Variants in SCLY observed in about 807,000 individuals in gnomAD.
SCLY encodes the protein selenocysteine lyase.
SCLY carries 38 observed loss-of-function variants against 50.1 expected under a neutral mutation model. The observed-to-expected ratio is 0.76, with a 90% CI of 0.59 to 0.99. The LOEUF is 0.99. SCLY is among the 50% of genes least tolerant of loss of function. SCLY has a pLI of 0.00. For missense variants in SCLY, 600 were observed against 620.0 expected (o/e 0.97, Z 0.34); for synonymous variants, 243 against 249.4 (o/e 0.97, Z 0.24).
chr2:238,075,839 G>A (rs1251300068), intron 4 of SCLY, among the ~76,000 whole-genome samples: 1 of 151,754 alleles, frequency 6.6e-6, no homozygotes, highest in Non-Finnish European at 1.5e-5. Flanking sequence ...TGTTATTTTT[G>A]TAGTCTCTAT....
chr2:238,098,841 T>A lies in SCLY; in HGVS notation c.*486T>A. Reference sequence around the variant, plus strand: ...ATCATGAACGTAGGAAACTTGATTTTTTTGTTTTGATCATGGCCTCTACAT... The same window carrying A: ...ATCATGAACGTAGGAAACTTGATTTATTTGTTTTGATCATGGCCTCTACAT... On this transcript the variant is annotated 3_prime_UTR_variant, in exon 12 of 12. Transcript: ENST00000254663. 1 of 287,670 alleles carries A rather than the reference T, an allele frequency of 3.5e-6. No individual in the cohort carries two copies. Among genetic ancestry groups the A allele is most frequent in the Non-Finnish European group, 6.3e-6 (1 of 157,566 alleles). 17.8% of individuals were successfully genotyped at this position (287,670 alleles called of 1,614,324 possible). A position where few individuals can be genotyped will look rare whatever the true frequency, so the allele number is the denominator to read the frequency against.
chr2:238,076,337 C>G (rs1190871440), intron 4 of SCLY, among the ~76,000 whole-genome samples: 1 of 152,106 alleles, frequency 6.6e-6, no homozygotes, highest in Non-Finnish European at 1.5e-5. Context: ...AGTGACCCAC[C>G]CACCTTGGCC....
chr2:238,093,859 A>G lies in SCLY; in HGVS notation c.922-2A>G. 6.2e-7 allele frequency: 1 copy of G among 1,613,444 alleles called. No individual in the cohort carries two copies. Among genetic ancestry groups the G allele is most frequent in the Non-Finnish European group, 8.5e-7 (1 of 1,179,792 alleles). On this transcript the variant is annotated splice_acceptor_variant, in intron 8 of 11. Coordinates refer to ENST00000254663, the MANE Select transcript of SCLY (RefSeq NM_016510.7). LOFTEE classifies it high-confidence loss of function. ...ATCCACTTGTTGTGTGTCTGCCCCCAGGCCGCGGAGCTGGTGACCCAGAAC... is the reference window on the plus strand; with the variant it reads ...ATCCACTTGTTGTGTGTCTGCCCCCGGGCCGCGGAGCTGGTGACCCAGAAC...
intron 2 of SCLY, among the ~76,000 whole-genome samples, chr2:238,065,502 G>C (rs945913298): frequency 8.5e-5 from 13 of 152,068 alleles, no homozygotes; most frequent in Non-Finnish European, 1.6e-4. Flanking sequence ...AGGTTTCCTT[G>C]ATAGCCTTTG....
chr2:238,061,343 C>T (rs905108589), intron 1 of SCLY, 200 bp downstream of exon 1: 2 of 701,838 alleles, frequency 2.8e-6, no homozygotes, highest in African/African-American at 1.8e-5. Flanking sequence ...CAAGGGCCCA[C>T]GGAGAGGTGA....
chr2:238,084,555 C>T (rs1394263921), intron 7 of SCLY, among the ~76,000 whole-genome samples: 2 of 127,564 alleles, frequency 1.6e-5, no homozygotes, highest in Middle Eastern at 5.3e-3. Flanking sequence ...GGCACCACTG[C>T]ACTTCAGTCT....
rs753199666 is a variant in SCLY, at chr2:238,093,885, T to C, written c.946T>C (p.Cys316Arg). The C allele has an allele frequency of 1.3e-5, 21 of 1,614,036 alleles. No homozygotes were observed. The highest frequency in any genetic ancestry group is 1.6e-5 in the Non-Finnish European group (19 of 1,180,012). The part of the protein sequence containing the change: ...GKAAELVTQN[C>R]EAYEAHMRDV... ...GGCCGCGGAGCTGGTGACCCAGAAC[T>C]GCGAGGCTTATGAGGCCCACATGAG... Residue 316 changes from cysteine to arginine, a missense_variant, in exon 9 of 12, where the codon TGC (cysteine) becomes CGC (arginine). Coordinates refer to ENST00000254663, the MANE Select transcript of SCLY (RefSeq NM_016510.7).
chr2:238,087,104 T>C (rs1193532589), intron 7 of SCLY, among the ~76,000 whole-genome samples: 5 of 151,018 alleles, frequency 3.3e-5, no homozygotes, highest in Admixed American at 3.3e-4. Context: ...GCAGGTAGAT[T>C]GCTTGAGGCC....
intron 4 of SCLY, chr2:238,079,068 C>CTTTTTTTTTTTTTTTTTTTTTTTTTTTTT: frequency 1.1e-5 from 1 of 93,186 alleles, no homozygotes; most frequent in Non-Finnish European, 2.0e-5. Flanking sequence ...CTTTCTTTTT[C>CTTTTTTTTTTTTTTTTTTTTTTTTTTTTT]TTTTTTTTTT....
Position 238,098,672 on chromosome 2 carries a change from C to CATAGGACCGCCCACATAGGACCGCCCA in SCLY, c.*317_*318insATAGGACCGCCCACATAGGACCGCCCA. ...GGGACCGCCCACATAGAACCGTCCTCCAGTGGTGAAGCGGAAACACTTAGC... is the reference window on the plus strand; with the variant it reads ...GGGACCGCCCACATAGAACCGTCCTCATAGGACCGCCCACATAGGACCGCCCACAGTGGTGAAGCGGAAACACTTAGC... On this transcript the variant is annotated 3_prime_UTR_variant, in exon 12 of 12. Coordinates refer to ENST00000254663, the MANE Select transcript of SCLY (RefSeq NM_016510.7). The CATAGGACCGCCCACATAGGACCGCCCA allele has an allele frequency of 2.4e-6, 1 of 422,802 alleles. No individual in the cohort carries two copies. The highest frequency in any genetic ancestry group is 4.1e-6 in the Non-Finnish European group (1 of 241,956). 26.2% of individuals were successfully genotyped at this position (422,802 alleles called of 1,614,324 possible).
At chr2:238,063,256 G>T (rs1301950592) in intron 1 of SCLY, among the ~76,000 whole-genome samples, 2 of 141,792 alleles carry the variant, frequency 1.4e-5, no homozygotes, top group Non-Finnish European at 3.1e-5. Context: ...TTTTGTTGTT[G>T]TTTTTTTTTT....
intron 7 of SCLY, among the ~76,000 whole-genome samples, chr2:238,090,797 CAT>C (rs1333460732): frequency 1.3e-5 from 2 of 151,184 alleles, no homozygotes; most frequent in Non-Finnish European, 2.9e-5. Flanking sequence ...CGCTTGCACA[CAT>C]ACACACACAC....
Position 238,083,282 on chromosome 2 carries a change from G to A in SCLY, c.812G>A (p.Arg271Gln), listed in dbSNP as rs535244367. The change falls in exon 7 of 12, where the codon CGA becomes CAA. Residue 271 changes from arginine to glutamine, a missense_variant. Coordinates refer to ENST00000254663, the MANE Select transcript of SCLY (RefSeq NM_016510.7). The surrounding 1 kb of genome is among the most constrained non-coding windows in gnomAD (Gnocchi z 4.3). ...CCCAGGATTGGCGCACTTTATATAC[G>A]AGGACTTGGTGAATTTACCCCTCTC... ...YGPRIGALYI[R>Q]GLGEFTPLYP... 6.3e-4 allele frequency: 1,024 copies of A among 1,613,830 alleles called. 22 individuals are homozygous for A. In the South Asian group the frequency reaches 0.01, roughly 16 times the overall value.
At chr2:238,070,280 T>C (rs2065115301) in intron 4 of SCLY, among the ~76,000 whole-genome samples, 1 of 152,236 alleles carries the variant, frequency 6.6e-6, no homozygotes, top group African/African-American at 2.4e-5. Flanking sequence ...TCTTGTGTAA[T>C]CTGTCTGGAA....
At position 238,083,388 on chromosome 2, in the gene SCLY, C is replaced by A. The variant is rs764746333; in HGVS notation, c.884+34C>A. 7.1e-7 allele frequency: 1 copy of A among 1,416,870 alleles called. No individual in the cohort carries two copies. Among genetic ancestry groups the A allele is most frequent in the South Asian group, 1.1e-5 (1 of 87,042 alleles). The allele number at this position is 1,416,870 out of a possible 1,614,324, so 87.8% of individuals were successfully genotyped here. On this transcript the variant is annotated intron_variant, in intron 7 of 11. Coordinates refer to ENST00000254663, the MANE Select transcript of SCLY (RefSeq NM_016510.7). This position sits in a 1 kb window ranked among gnomAD's most constrained non-coding sequence, Gnocchi z 4.3. ...GAAAGTTAACAAAGTCTCTGACCTA[C>A]TGACCGTGTCATTTGTAGAGCAGTG...
At chr2:238,077,306 A>C (rs937917432) in intron 4 of SCLY, among the ~76,000 whole-genome samples, 2 of 152,192 alleles carry the variant, frequency 1.3e-5, no homozygotes, top group African/African-American at 4.8e-5. Flanking sequence ...AGTCATTCCA[A>C]CTGTCTTATG....
At chr2:238,089,996 GA>G (rs1342349903) in intron 7 of SCLY, among the ~76,000 whole-genome samples, 1 of 151,700 alleles carries the variant, frequency 6.6e-6, no homozygotes, top group Non-Finnish European at 1.5e-5. Flanking sequence ...CTAAATCTAG[GA>G]AAAAATATTT....
At chr2:238,068,385 CAA>C (rs758815395) in intron 3 of SCLY, among the ~76,000 whole-genome samples, 2 of 128,046 alleles carry the variant, frequency 1.6e-5, no homozygotes. Flanking sequence ...TCCATCTCTA[CAA>C]AAAAAAAAAA....
At chr2:238,091,547 C>T (rs1327682585) in intron 8 of SCLY, 3 of 412,438 alleles carry the variant, frequency 7.3e-6, no homozygotes, top group Non-Finnish European at 9.1e-6. Context: ...GCTGCAGGTT[C>T]ACCATTCCCA....
Sources: gnomAD v4.1 joint callset for allele counts (sites outside exome capture counted in the v4.1 genomes callset) on GRCh38, gnomAD v4.1.1 for gene constraint, Gnocchi (gnomAD v3.1) non-coding constraint, MANE v1.5 for transcripts, NCBI Gene and HGNC (gene_info 2026-07-23, HGNC 2026-07-21) for gene names.